Variants in PCDH9 observed in about 807,000 individuals in gnomAD.
PCDH9 encodes the protein protocadherin 9.
In PCDH9, 24 loss-of-function variants were observed where a neutral mutation model predicts 70.6. The ratio of observed to expected loss-of-function variants is 0.34; its 90% CI spans 0.25 to 0.48. The LOEUF (loss-of-function observed/expected upper bound fraction) is 0.48, where lower values mean the gene tolerates loss of function less well. PCDH9 is among the 20% of genes least tolerant of loss of function. The pLI is 0.99. For missense variants in PCDH9, 1,281 were observed against 1,503.6 expected (o/e 0.85, Z 2.45); for synonymous variants, 562 against 558.5 (o/e 1.01, Z -0.09).
intron 2 of PCDH9, among the ~76,000 whole-genome samples, chr13:67,200,274 T>C (rs1440085535): frequency 2.6e-5 from 4 of 152,060 alleles, no homozygotes; most frequent in Non-Finnish European, 5.9e-5. Flanking sequence ...ACTTCTGTTG[T>C]AGGGAATCAA....
chr13:67,167,997 A>C (rs1246800800), intron 2 of PCDH9, among the ~76,000 whole-genome samples: 1 of 152,218 alleles, frequency 6.6e-6, no homozygotes, highest in Non-Finnish European at 1.5e-5. Flanking sequence ...TTTCATAAAG[A>C]AACAAACGAT....
At chr13:66,594,797 C>T (rs2077082157) in intron 4 of PCDH9, among the ~76,000 whole-genome samples, 1 of 151,616 alleles carries the variant, frequency 6.6e-6, no homozygotes, top group Non-Finnish European at 1.5e-5. Flanking sequence ...TAATGGCTTC[C>T]AGCTTCATCC....
chr13:66,434,017 T>C (rs1368528678), intron 4 of PCDH9, among the ~76,000 whole-genome samples: 1 of 151,868 alleles, frequency 6.6e-6, no homozygotes, highest in African/African-American at 2.4e-5. Flanking sequence ...TTCTAAACCT[T>C]AGAATTAAAT....
intron 2 of PCDH9, among the ~76,000 whole-genome samples, chr13:67,022,385 T>C (rs1448532722): frequency 6.6e-6 from 1 of 152,098 alleles, no homozygotes; most frequent in Non-Finnish European, 1.5e-5. Flanking sequence ...CCTCCCAAAG[T>C]GCTGGGATTA....
At chr13:66,553,686 G>C (rs1209128713) in intron 4 of PCDH9, among the ~76,000 whole-genome samples, 1 of 152,108 alleles carries the variant, frequency 6.6e-6, no homozygotes, top group Non-Finnish European at 1.5e-5. Flanking sequence ...ACTCCACAGA[G>C]ATATTTCTTA....
chr13:66,686,264 A>G (rs2078400071), intron 3 of PCDH9, among the ~76,000 whole-genome samples: 1 of 152,054 alleles, frequency 6.6e-6, no homozygotes, highest in African/African-American at 2.4e-5. Context: ...CAAGAAAACC[A>G]TTTCTGATGG....
intron 2 of PCDH9, among the ~76,000 whole-genome samples, chr13:67,029,134 A>G (rs1333352879): frequency 1.3e-5 from 2 of 152,224 alleles, no homozygotes; most frequent in Admixed American, 6.5e-5. Flanking sequence ...AAGAAAGACT[A>G]AAAAGCAATT....
At chr13:66,964,986 G>A (rs192471423) in intron 2 of PCDH9, among the ~76,000 whole-genome samples, 1 of 151,734 alleles carries the variant, frequency 6.6e-6, no homozygotes, top group East Asian at 1.9e-4. Context: ...GAGTCAGCAA[G>A]TTTTTGCACA....
chr13:66,504,175 G>C (rs903074141), intron 4 of PCDH9, among the ~76,000 whole-genome samples: 1 of 152,160 alleles, frequency 6.6e-6, no homozygotes, highest in Non-Finnish European at 1.5e-5. Flanking sequence ...GAAAGGCCTT[G>C]GCCAATCCTT....
rs552203602 is a variant in PCDH9 at position 67,226,859 on chromosome 13, T to C, written c.1582A>G (p.Arg528Gly). Reference protein sequence around the residue: ...DRKTGVLTASRVFDREEQERF... With the variant: ...DRKTGVLTASGVFDREEQERF... ...TCTTGTTCTTCTCTGTCAAATACTC[T>C]GGAGGCTGTCAAAACTCCTGTTTTT... The change falls in exon 2 of 5, where the codon AGA (arginine) becomes GGA (glycine). Residue 528 changes from arginine to glycine, a missense_variant. Transcript: ENST00000377865. The surrounding 1 kb of genome is among the most constrained non-coding windows in gnomAD (Gnocchi z 5.0). The C allele has an allele frequency of 1.2e-6, 2 of 1,614,196 alleles. No individual in the cohort carries two copies. The highest frequency in any genetic ancestry group is 1.1e-5 in the South Asian group (1 of 91,082).
intron 4 of PCDH9, among the ~76,000 whole-genome samples, chr13:66,355,304 G>A (rs901899457): frequency 2.4e-4 from 36 of 151,932 alleles, no homozygotes; most frequent in African/African-American, 8.2e-4. Flanking sequence ...ACAGACATGC[G>A]CATACTGGGT....
intron 2 of PCDH9, among the ~76,000 whole-genome samples, chr13:66,907,827 T>G (rs895931651): frequency 5.9e-5 from 9 of 152,292 alleles, no homozygotes; most frequent in African/African-American, 2.2e-4. Context: ...TCTTACAAAA[T>G]CAAGATTGTT....
intron 3 of PCDH9, among the ~76,000 whole-genome samples, chr13:66,859,866 A>T (rs879532920): frequency 6.6e-6 from 1 of 152,138 alleles, no homozygotes; most frequent in Non-Finnish European, 1.5e-5. Flanking sequence ...CTAATACAAA[A>T]GTTAACTTGT....
intron 3 of PCDH9, among the ~76,000 whole-genome samples, chr13:66,666,438 C>CT (rs2078098968): frequency 7.1e-6 from 1 of 141,440 alleles, no homozygotes; most frequent in African/African-American, 2.7e-5. Flanking sequence ...TTTTTTTTTT[C>CT]TTTTTTTATT....
rs922660382 is a variant in PCDH9 at position 67,050,542 on chromosome 13, A to C, written c.3037-146937T>G. On this transcript the variant is annotated intron_variant, in intron 2 of 4. Coordinates refer to ENST00000377865, the MANE Select transcript of PCDH9 (RefSeq NM_203487.3). ...TGAAAAAGAGTAGAACCCAGTGTCT[A>C]GCAAAGTTATCACAAGCTTACTCAT... Among the ~76,000 whole-genome samples the C allele has an allele frequency of 2.6e-5, 4 of 152,230 alleles. No homozygotes were observed. In the East Asian group the frequency reaches 7.7e-4, roughly 29 times the overall value.
intron 2 of PCDH9, 110 bp from the exon 3 acceptor site, chr13:66,903,715 C>A (rs1027311393): frequency 3.4e-5 from 17 of 503,976 alleles, no homozygotes; most frequent in African/African-American, 3.0e-4. Flanking sequence ...CTTGAGCTAA[C>A]AAGGGTCCAC....
chr13:66,552,906 A>T (rs1378981981), intron 4 of PCDH9, among the ~76,000 whole-genome samples: 1 of 152,132 alleles, frequency 6.6e-6, no homozygotes, highest in Non-Finnish European at 1.5e-5. Flanking sequence ...ATCATGGCAG[A>T]AGGGGAAGCA....
At position 66,320,629 on chromosome 13, in the gene PCDH9, C is replaced by T. The variant is rs1268144450; in HGVS notation, c.3341-15601G>A. ...GAAATGTAAATGGAACACCAAGAAA[C>T]AGCATACTTCATGGCCATGTTATAA... On this transcript the variant is annotated intron_variant, in intron 4 of 4. Coordinates refer to ENST00000377865, the MANE Select transcript of PCDH9 (RefSeq NM_203487.3). Among the ~76,000 whole-genome samples the T allele has an allele frequency of 3.3e-5, 5 of 151,978 alleles. No individual in the cohort carries two copies. In the South Asian group the frequency reaches 6.2e-4, roughly 19 times the overall value.
intron 4 of PCDH9, among the ~76,000 whole-genome samples, chr13:66,588,654 C>G (rs1248866432): frequency 6.6e-6 from 1 of 151,464 alleles, no homozygotes; most frequent in Non-Finnish European, 1.5e-5. Flanking sequence ...TCATTCATTT[C>G]TATGTTCACT....
Sources: allele counts gnomAD v4.1 joint callset (sites outside exome capture counted in the v4.1 genomes callset), GRCh38; gene constraint gnomAD v4.1.1; non-coding constraint Gnocchi (gnomAD v3.1); transcripts MANE v1.5; gene names NCBI Gene and HGNC (gene_info 2026-07-23, HGNC 2026-07-21).